Variants in KHDRBS2 observed in about 807,000 individuals in gnomAD.
KHDRBS2 encodes the protein KH RNA binding domain containing, signal transduction associated 2, also known as KH domain-containing, RNA-binding, signal transduction-associated protein 2.
KHDRBS2 carries 26 observed loss-of-function variants against 44.3 expected under a neutral mutation model. The ratio of observed to expected loss-of-function variants is 0.59; its 90% CI spans 0.43 to 0.81. KHDRBS2 has a LOEUF of 0.81. Ranked by LOEUF, KHDRBS2 falls within the 40% of genes least tolerant of loss-of-function variation. The pLI is 0.00. For synonymous variants in KHDRBS2, 194 were observed against 151.1 expected, an observed-to-expected ratio of 1.28 and a Z score of -2.08; for missense variants, 476 against 433.1, an observed-to-expected ratio of 1.10 and a Z score of -0.88.
intron 6 of KHDRBS2, among the ~76,000 whole-genome samples, chr6:61,855,722 A>C (rs1796060896): frequency 6.6e-6 from 1 of 151,908 alleles, no homozygotes; most frequent in South Asian, 2.1e-4. Flanking sequence ...GTTCCAGGGT[A>C]CTCAATGTCC....
At chr6:62,259,206 C>G (rs1362039491) in intron 1 of KHDRBS2, among the ~76,000 whole-genome samples, 1 of 151,894 alleles carries the variant, frequency 6.6e-6, no homozygotes, top group Non-Finnish European at 1.5e-5. Context: ...ATTACCAAAA[C>G]TATAATGAAA....
intron 1 of KHDRBS2, among the ~76,000 whole-genome samples, chr6:62,221,536 T>C (rs1830893985): frequency 6.6e-6 from 1 of 152,152 alleles, no homozygotes; most frequent in Non-Finnish European, 1.5e-5. Flanking sequence ...ACCATTTTGT[T>C]ATCTACATGT....
chr6:61,945,980 T>C (rs1813289476), intron 4 of KHDRBS2, among the ~76,000 whole-genome samples: 1 of 152,212 alleles, frequency 6.6e-6, no homozygotes, highest in African/African-American at 2.4e-5. Flanking sequence ...TTGTGTTTGC[T>C]TATGTGTGTG....
At chr6:62,044,167 C>T (rs996987808) in intron 3 of KHDRBS2, among the ~76,000 whole-genome samples, 3 of 151,886 alleles carry the variant, frequency 2.0e-5, no homozygotes, top group Non-Finnish European at 4.4e-5. Context: ...TATGTCCAGC[C>T]TCCAGTCTCC....
chr6:62,207,825 AAT>A (rs1828275731), intron 1 of KHDRBS2, among the ~76,000 whole-genome samples: 1 of 152,184 alleles, frequency 6.6e-6, no homozygotes, highest in Non-Finnish European at 1.5e-5. Flanking sequence ...GATGTTAAGG[AAT>A]ACATATAGAT....
chr6:61,544,368 C>T, the KHDRBS2 span, among the ~76,000 whole-genome samples: 3 of 152,066 alleles, frequency 2.0e-5, no homozygotes, highest in South Asian at 4.1e-4. Context: ...CTTATGGAAC[C>T]GTTAATCTCA....
intron 2 of KHDRBS2, among the ~76,000 whole-genome samples, chr6:62,156,175 CTG>C (rs1462716367): frequency 6.6e-6 from 1 of 152,130 alleles, no homozygotes; most frequent in Non-Finnish European, 1.5e-5. Context: ...TACCGAATCA[CTG>C]TGTGTAAAAA....
At chr6:62,095,077 T>C (rs1350326043) in intron 2 of KHDRBS2, among the ~76,000 whole-genome samples, 2 of 151,926 alleles carry the variant, frequency 1.3e-5, no homozygotes, top group Non-Finnish European at 2.9e-5. Flanking sequence ...ATATGATTGT[T>C]TTTTTCTCTG....
the KHDRBS2 span, among the ~76,000 whole-genome samples, chr6:61,548,388 A>G: frequency 1.2e-4 from 18 of 152,242 alleles, no homozygotes; most frequent in African/African-American, 3.8e-4. Flanking sequence ...TGGTTTCCAT[A>G]AGAATCACCT....
chr6:61,985,167 G>A (rs1183869526), intron 3 of KHDRBS2, among the ~76,000 whole-genome samples: 1 of 151,806 alleles, frequency 6.6e-6, no homozygotes, highest in Admixed American at 6.6e-5. Context: ...ACTCTTTTTT[G>A]CCCTGAAATC....
the KHDRBS2 span, among the ~76,000 whole-genome samples, chr6:61,564,973 T>G: frequency 2.6e-5 from 4 of 151,560 alleles, no homozygotes; most frequent in African/African-American, 9.7e-5. Context: ...AATAAAGAAA[T>G]AAATTTACAC....
the KHDRBS2 span, among the ~76,000 whole-genome samples, chr6:61,620,858 T>G: frequency 4.6e-5 from 7 of 152,226 alleles, no homozygotes; most frequent in Non-Finnish European, 8.8e-5. Flanking sequence ...AATTATTATT[T>G]AAAGCTCCTG....
intron 1 of KHDRBS2, among the ~76,000 whole-genome samples, chr6:62,229,512 T>G (rs563096424): frequency 6.6e-6 from 1 of 152,294 alleles, no homozygotes; most frequent in South Asian, 2.1e-4. Context: ...AGCAGGCCTC[T>G]GCAGCTGTGG....
chr6:61,544,905 G>A, the KHDRBS2 span, among the ~76,000 whole-genome samples: 15 of 151,978 alleles, frequency 9.9e-5, no homozygotes, highest in Admixed American at 9.8e-4. Flanking sequence ...AGAGGAAGGG[G>A]AACATCACAC....
At chr6:61,623,491 C>G in the KHDRBS2 span, among the ~76,000 whole-genome samples, 6 of 152,178 alleles carry the variant, frequency 3.9e-5, no homozygotes, top group Non-Finnish European at 8.8e-5. Flanking sequence ...TAGAGACATA[C>G]TGTTGTCCAT....
chr6:62,236,052 T>C (rs1284910048), intron 1 of KHDRBS2, among the ~76,000 whole-genome samples: 1 of 152,160 alleles, frequency 6.6e-6, no homozygotes, highest in Admixed American at 6.5e-5. Flanking sequence ...AAATCGTTCA[T>C]GGTCTTGGCA....
At chr6:61,905,421 T>C (rs1370354752) in intron 4 of KHDRBS2, among the ~76,000 whole-genome samples, 1 of 148,798 alleles carries the variant, frequency 6.7e-6, no homozygotes, top group Non-Finnish European at 1.5e-5. Flanking sequence ...AGACGTATAA[T>C]GACTCATTAG....
At chr6:61,896,311 C>T (rs1474719820) in intron 5 of KHDRBS2, among the ~76,000 whole-genome samples, 1 of 152,188 alleles carries the variant, frequency 6.6e-6, no homozygotes, top group Non-Finnish European at 1.5e-5. Context: ...GGTCACCCTA[C>T]TCTATTCACG....
At position 62,284,658 on chromosome 6, in the gene KHDRBS2, C is replaced by T. The variant is rs1842229817; in HGVS notation, c.91+1200G>A. On this transcript the variant is annotated intron_variant, in intron 1 of 8. Transcript: ENST00000281156. ...CCCTGAAAACAGTTTAGTTATTTCA[C>T]ATGTTCCATGTTTTGAATATAAATC... 3.9e-5 allele frequency among the ~76,000 whole-genome samples: 6 copies of T among 152,164 alleles called. No homozygotes were observed. In the South Asian group the frequency reaches 1.0e-3, roughly 26 times the overall value.
Sources: gnomAD v4.1 joint callset for allele counts (sites outside exome capture counted in the v4.1 genomes callset) on GRCh38, gnomAD v4.1.1 for gene constraint, MANE v1.5 for transcripts, NCBI Gene and HGNC (gene_info 2026-07-23, HGNC 2026-07-21) for gene names.